Variants in STXBP6 observed in about 807,000 individuals in gnomAD.
The protein encoded by STXBP6 is syntaxin-binding protein 6.
STXBP6 carries 21 observed loss-of-function variants against 26.9 expected under a neutral mutation model. The observed-to-expected ratio is 0.78, with a 90% CI of 0.55 to 1.12. STXBP6 has a LOEUF of 1.12. Among genes scored for constraint, STXBP6 ranks in the 50% most tolerant of loss-of-function variants. The pLI, the probability that STXBP6 is intolerant of heterozygous loss-of-function variation, is 0.00. For missense variants in STXBP6, 232 were observed against 257.9 expected (o/e 0.90, Z 0.69); for synonymous variants, 97 against 92.6 (o/e 1.05, Z -0.27).
intron 1 of STXBP6, among the ~76,000 whole-genome samples, chr14:25,045,015 C>A (rs2075703947): frequency 6.6e-6 from 1 of 152,130 alleles, no homozygotes; most frequent in African/African-American, 2.4e-5. Context: ...AAATAAGTAA[C>A]CACTTATAGA....
At position 25,009,629 on chromosome 14, in the gene STXBP6, C is replaced by T. The variant is rs567393295; in HGVS notation, c.-32-34779G>A. On this transcript the variant is annotated intron_variant, in intron 1 of 5. Transcript: ENST00000323944. ...TCACCTACTCTTTGAGAACTTACTCCGACTTGGTGCTGACCCTGCACTAAG... is the reference window on the plus strand; with the variant it reads ...TCACCTACTCTTTGAGAACTTACTCTGACTTGGTGCTGACCCTGCACTAAG... Among the ~76,000 whole-genome samples, 25 of 152,192 alleles carry T rather than the reference C, an allele frequency of 1.6e-4. No homozygotes were observed. In the South Asian group the frequency reaches 5.0e-3, roughly 30 times the overall value.
intron 2 of STXBP6, among the ~76,000 whole-genome samples, chr14:24,877,658 CA>C (rs1191000774): frequency 2.0e-5 from 3 of 152,132 alleles, no homozygotes; most frequent in Non-Finnish European, 4.4e-5. Flanking sequence ...AAGGATGAAA[CA>C]TGAACTACTT....
Position 24,812,316 on chromosome 14 carries a change from T to G in STXBP6, c.*393A>C, listed in dbSNP as rs1009559778. The G allele has an allele frequency of 1.2e-5, 2 of 170,542 alleles. No homozygotes were observed. The highest frequency in any genetic ancestry group is 5.8e-5 in the Admixed American group (1 of 17,146). The allele number at this position is 170,542 out of a possible 1,614,324, so 10.6% of individuals were successfully genotyped here. A position where few individuals can be genotyped will look rare whatever the true frequency, so the allele number is the denominator to read the frequency against. On this transcript the variant is annotated 3_prime_UTR_variant, in exon 6 of 6. Transcript: ENST00000323944. ...ATGTCACCACATTAAAATGCCTTCC[T>G]GCTTAATATCAGAGAAAAAAATACA...
intron 2 of STXBP6, among the ~76,000 whole-genome samples, chr14:24,920,132 A>C (rs2071928382): frequency 6.6e-6 from 1 of 152,032 alleles, no homozygotes; most frequent in South Asian, 2.1e-4. Context: ...AAGCACTACA[A>C]ACATCTTGAA....
intron 1 of STXBP6, among the ~76,000 whole-genome samples, chr14:25,011,989 G>GT (rs1431705248): frequency 2.0e-5 from 3 of 152,070 alleles, no homozygotes; most frequent in Admixed American, 6.6e-5. Context: ...GCTGTTTTTT[G>GT]TTTTTGTTTG....
At chr14:24,982,880 T>C (rs2074234960) in intron 1 of STXBP6, among the ~76,000 whole-genome samples, 1 of 152,202 alleles carries the variant, frequency 6.6e-6, no homozygotes, top group South Asian at 2.1e-4. Flanking sequence ...TCACAAATGA[T>C]ATGACAAAGC....
At chr14:24,945,358 G>C (rs1251112830) in intron 2 of STXBP6, among the ~76,000 whole-genome samples, 1 of 151,596 alleles carries the variant, frequency 6.6e-6, no homozygotes, top group Non-Finnish European at 1.5e-5. Flanking sequence ...TTGAGGCCAA[G>C]AGTTCAAGAC....
At chr14:24,956,636 A>T (rs1172200586) in intron 2 of STXBP6, among the ~76,000 whole-genome samples, 1 of 152,176 alleles carries the variant, frequency 6.6e-6, no homozygotes, top group Non-Finnish European at 1.5e-5. Context: ...CCCAACAAAG[A>T]CATTCTAAGA....
intron 4 of STXBP6, among the ~76,000 whole-genome samples, chr14:24,854,689 C>T (rs1413178279): frequency 6.6e-6 from 1 of 152,038 alleles, no homozygotes; most frequent in Admixed American, 6.6e-5. Flanking sequence ...CTGCCAAGTC[C>T]GTTAAGGCTG....
At chr14:24,934,082 T>A (rs1341542551) in intron 2 of STXBP6, among the ~76,000 whole-genome samples, 2 of 151,980 alleles carry the variant, frequency 1.3e-5, no homozygotes, top group Admixed American at 6.5e-5. Flanking sequence ...TCAAAGATGA[T>A]CCCACAAAAG....
At chr14:24,916,603 A>G (rs78332991) in intron 2 of STXBP6, among the ~76,000 whole-genome samples, 2,024 of 152,100 alleles carry the variant, frequency 0.013, 46 homozygotes, top group African/African-American at 0.045. Context: ...GTTTTGTTTT[A>G]TTTAAAGAAT....
intron 4 of STXBP6, among the ~76,000 whole-genome samples, chr14:24,840,718 C>A (rs2068759119): frequency 6.6e-6 from 1 of 152,188 alleles, no homozygotes; most frequent in South Asian, 2.1e-4. Context: ...ACACTCATTT[C>A]ATCAGAGATA....
At chr14:24,947,889 G>GC (rs2073043315) in intron 2 of STXBP6, among the ~76,000 whole-genome samples, 1 of 152,132 alleles carries the variant, frequency 6.6e-6, no homozygotes, top group Non-Finnish European at 1.5e-5. Context: ...GTATCATCTT[G>GC]TTATATAAAC....
intron 1 of STXBP6, among the ~76,000 whole-genome samples, chr14:25,045,605 CTT>C (rs397700377): frequency 2.5e-4 from 27 of 107,750 alleles, no homozygotes; most frequent in African/African-American, 3.5e-4. Flanking sequence ...TTTTTCTTTT[CTT>C]TTTTTTTTTT....
At position 24,812,501 on chromosome 14, in the gene STXBP6, T is replaced by G; in HGVS notation, c.*208A>C. 1 of 589,300 alleles carries G rather than the reference T, an allele frequency of 1.7e-6. No individual in the cohort carries two copies. The highest frequency in any genetic ancestry group is 2.8e-5 in the East Asian group (1 of 35,570). The allele number at this position is 589,300 out of a possible 1,614,324, so 36.5% of individuals were successfully genotyped here. On this transcript the variant is annotated 3_prime_UTR_variant, in exon 6 of 6. Transcript: ENST00000323944. ...AAACCCAAAATGAAGCTGATGCTAT[T>G]GTAGCATTTATTAGCAAGATCATTA...
rs951980878 is a variant in STXBP6 at position 25,034,271 on chromosome 14, C to T, written c.-33+15607G>A. On this transcript the variant is annotated intron_variant, in intron 1 of 5. Coordinates refer to ENST00000323944, the MANE Select transcript of STXBP6 (RefSeq NM_001394410.1). Reference sequence around the variant, plus strand: ...TAACACCCCCACACAAGAACCATATCCCTCTGTGGAGGCCTTTCCATGATG... The same window carrying T: ...TAACACCCCCACACAAGAACCATATTCCTCTGTGGAGGCCTTTCCATGATG... Among the ~76,000 whole-genome samples, 3 of 152,264 alleles carry T rather than the reference C, an allele frequency of 2.0e-5. No individual in the cohort carries two copies. The South Asian group carries it at 6.2e-4, about 32-fold the overall frequency.
At chr14:24,853,357 T>G (rs1483802973) in intron 4 of STXBP6, among the ~76,000 whole-genome samples, 3 of 152,132 alleles carry the variant, frequency 2.0e-5, no homozygotes, top group Non-Finnish European at 4.4e-5. Context: ...CAACTATTAT[T>G]AAGCATAAGC....
chr14:24,946,765 G>A (rs996068104), intron 2 of STXBP6, among the ~76,000 whole-genome samples: 1 of 152,160 alleles, frequency 6.6e-6, no homozygotes, highest in African/African-American at 2.4e-5. Context: ...TTTAATGGGC[G>A]ACACAAAAGC....
At chr14:24,914,198 G>A (rs17185397) in intron 2 of STXBP6, among the ~76,000 whole-genome samples, 18,720 of 151,982 alleles carry the variant, frequency 0.12, 1,182 homozygotes, top group East Asian at 0.17. Flanking sequence ...CTGTCATCCC[G>A]AGACTATCTT....
Sources: allele counts gnomAD v4.1 joint callset (sites outside exome capture counted in the v4.1 genomes callset), GRCh38; gene constraint gnomAD v4.1.1; transcripts MANE v1.5; gene names NCBI Gene and HGNC (gene_info 2026-07-23, HGNC 2026-07-21).